ANK3: variants seen among roughly 807,000 people sequenced by gnomAD.
ANK3 encodes ankyrin 3.
A neutral mutation model predicts 370.9 loss-of-function variants in ANK3; 57 were observed. The observed-to-expected ratio is 0.15, with a 90% confidence interval of 0.12 to 0.19. The LOEUF (loss-of-function observed/expected upper bound fraction) is 0.19. ANK3 is among the 10% of genes least tolerant of loss of function. The probability of loss-of-function intolerance (pLI) is 1.00; values close to 1 mark genes in which losing one functional copy is unlikely to be tolerated. For missense variants in ANK3, 4,439 were observed against 5,302.1 expected, an observed-to-expected ratio of 0.84 and a Z score of 5.06; for synonymous variants, 1,929 against 1,946.3, an observed-to-expected ratio of 0.99 and a Z score of 0.23.
intron 2 of ANK3, among the ~76,000 whole-genome samples, chr10:60,476,355 T>C (rs2075064831): frequency 6.6e-6 from 1 of 152,192 alleles, no homozygotes; most frequent in Non-Finnish European, 1.5e-5. Context: ...GTATAGAGGA[T>C]AAACAATAAT....
intron 2 of ANK3, among the ~76,000 whole-genome samples, chr10:60,569,821 T>A (rs2077549126): frequency 6.6e-6 from 1 of 152,168 alleles, no homozygotes; most frequent in South Asian, 2.1e-4. Context: ...CACTAAATTT[T>A]GTTTTAAAAT....
At chr10:60,232,551 T>G (rs1286785794) in intron 8 of ANK3, among the ~76,000 whole-genome samples, 1 of 152,224 alleles carries the variant, frequency 6.6e-6, no homozygotes, top group Admixed American at 6.5e-5. Context: ...ATCAGTTCAG[T>G]AAGACCTATA....
intron 2 of ANK3, among the ~76,000 whole-genome samples, chr10:60,460,140 T>C (rs2064846513): frequency 6.6e-6 from 1 of 152,168 alleles, no homozygotes; most frequent in East Asian, 1.9e-4. Flanking sequence ...TGAGCTTAGC[T>C]GTACGATCCC....
chr10:60,679,813 C>T (rs1020061300), intron 1 of ANK3, among the ~76,000 whole-genome samples: 2 of 152,116 alleles, frequency 1.3e-5, no homozygotes, highest in Non-Finnish European at 2.9e-5. Flanking sequence ...TGCTCTAAAA[C>T]TTTTAAATAA....
At position 60,063,119 on chromosome 10, in the gene ANK3, G is replaced by A. The variant is rs2080936647; in HGVS notation, c.12587C>T (p.Pro4196Leu). The stretch of plus-strand genomic sequence containing the variant: ...ACACTAAATTCGATTACCATCAACA[G>A]GGTCATGGAAAACATTGTTCTCATC... The part of the protein sequence containing the change: ...FADENNVFHD[P>L]VDGWQNETSS... The change falls in exon 40 of 44, where the codon CCT becomes CTT. Residue 4196 changes from proline to leucine, a missense_variant. Coordinates refer to ENST00000280772, the MANE Select transcript of ANK3 (RefSeq NM_020987.5). The A allele has an allele frequency of 1.2e-6, 2 of 1,610,742 alleles. No individual in the cohort carries two copies. The highest frequency in any genetic ancestry group is 1.7e-6 in the Non-Finnish European group (2 of 1,179,106).
At chr10:60,251,538 A>C (rs1344373480) in intron 7 of ANK3, among the ~76,000 whole-genome samples, 2 of 152,318 alleles carry the variant, frequency 1.3e-5, no homozygotes, top group Non-Finnish European at 2.9e-5. Context: ...CACTGTGACA[A>C]CCAAAAATTC....
intron 1 of ANK3, among the ~76,000 whole-genome samples, chr10:60,317,870 T>C (rs949046323): frequency 2.0e-5 from 3 of 152,020 alleles, no homozygotes; most frequent in Non-Finnish European, 4.4e-5. Flanking sequence ...CCTGCCACCA[T>C]GCCCAGCTAA....
At chr10:60,511,580 A>G (rs1174002847) in intron 2 of ANK3, among the ~76,000 whole-genome samples, 1 of 152,130 alleles carries the variant, frequency 6.6e-6, no homozygotes, top group Non-Finnish European at 1.5e-5. Flanking sequence ...TATTTTATGC[A>G]AGTAGCTCTT....
chr10:60,250,643 G>A (rs1271676580), intron 7 of ANK3, among the ~76,000 whole-genome samples: 1 of 152,126 alleles, frequency 6.6e-6, no homozygotes, highest in Non-Finnish European at 1.5e-5. Context: ...GGGATTACGG[G>A]CATGAGCCAC....
At chr10:60,330,686 A>C (rs927678702) in intron 1 of ANK3, among the ~76,000 whole-genome samples, 6 of 152,220 alleles carry the variant, frequency 3.9e-5, no homozygotes, top group African/African-American at 1.2e-4. Flanking sequence ...AATTAGTTCA[A>C]CCATTGTGGC....
chr10:60,676,307 G>T (rs537894598), intron 1 of ANK3, among the ~76,000 whole-genome samples: 1 of 152,196 alleles, frequency 6.6e-6, no homozygotes, highest in Admixed American at 6.5e-5. Flanking sequence ...TGGCTTAAAA[G>T]GATATATGTG....
At chr10:60,171,259 T>C (rs1214909201) in intron 21 of ANK3, among the ~76,000 whole-genome samples, 1 of 152,220 alleles carries the variant, frequency 6.6e-6, no homozygotes, top group East Asian at 1.9e-4. Flanking sequence ...ACAACTGTTT[T>C]CTCTTTTGCA....
intron 7 of ANK3, among the ~76,000 whole-genome samples, chr10:60,261,495 A>G (rs1421654834): frequency 2.0e-5 from 3 of 152,198 alleles, no homozygotes; most frequent in African/African-American, 7.2e-5. Context: ...TAAGGTCAAG[A>G]CCCTGATCTC....
intron 18 of ANK3, among the ~76,000 whole-genome samples, chr10:60,180,803 G>A (rs2096151601): frequency 7.2e-6 from 1 of 139,632 alleles, no homozygotes; most frequent in African/African-American, 2.7e-5. Context: ...AGATTAATTA[G>A]CAATTTTTTT....
chr10:60,320,791 T>C (rs1412636238), intron 1 of ANK3, among the ~76,000 whole-genome samples: 1 of 152,018 alleles, frequency 6.6e-6, no homozygotes, highest in Non-Finnish European at 1.5e-5. Flanking sequence ...CAGTATAAAA[T>C]ACCACCAAAC....
At chr10:60,131,323 T>TA (rs2132173802) in intron 25 of ANK3, among the ~76,000 whole-genome samples, 1 of 152,338 alleles carries the variant, frequency 6.6e-6, no homozygotes, top group African/African-American at 2.4e-5. Context: ...TGAGTAGTGT[T>TA]ATATGCTTAT....
intron 4 of ANK3, among the ~76,000 whole-genome samples, chr10:60,274,330 T>A (rs1566165457): frequency 1.3e-5 from 2 of 152,174 alleles, no homozygotes; most frequent in Admixed American, 1.3e-4. Context: ...TGTTTCATGG[T>A]GGAAATTTCA....
At chr10:60,235,408 G>A (rs1179554779) in intron 7 of ANK3, among the ~76,000 whole-genome samples, 1 of 152,152 alleles carries the variant, frequency 6.6e-6, no homozygotes, top group Admixed American at 6.5e-5. Context: ...AGGATTATCT[G>A]AAATTCTAAT....
intron 2 of ANK3, among the ~76,000 whole-genome samples, chr10:60,415,918 C>CCT (rs2063654363): frequency 1.0e-5 from 1 of 99,502 alleles, no homozygotes; most frequent in East Asian, 3.5e-4. Context: ...GAATTTGTGC[C>CCT]CCCCACCCCC....
Sources: allele counts gnomAD v4.1 joint callset (sites outside exome capture counted in the v4.1 genomes callset), GRCh38; gene constraint gnomAD v4.1.1; transcripts MANE v1.5; gene names NCBI Gene and HGNC (gene_info 2026-07-23, HGNC 2026-07-21).